Variants in MAPK3 observed in about 807,000 individuals in gnomAD.
MAPK3 encodes the protein MAPK 1.
In MAPK3, 30 loss-of-function variants were observed where a neutral mutation model predicts 41.8. The observed-to-expected ratio is 0.72, with a 90% CI of 0.54 to 0.97. MAPK3 has a LOEUF of 0.97. MAPK3 is among the 50% of genes least tolerant of loss of function. The pLI is 0.00. For missense variants in MAPK3, 413 were observed against 509.9 expected (o/e 0.81, Z 1.83); for synonymous variants, 222 against 213.4 (o/e 1.04, Z -0.35).
At chr16:30,116,056 C>CTT (rs542597048) in intron 8 of MAPK3, 72,554 of 120,052 alleles carry the variant, frequency 0.6, 24,252 homozygotes, top group East Asian at 0.9. Flanking sequence ...GTGCCCAGCC[C>CTT]TTTTTTTTTT....
At chr16:30,122,047 A>AG in intron 1 of MAPK3, 41 bp from the exon 2 acceptor site, 1 of 1,608,804 alleles carries the variant, frequency 6.2e-7, no homozygotes, top group Non-Finnish European at 8.5e-7. Flanking sequence ...GGCCTTACAA[A>AG]GGGGGAGTCC....
chr16:30,118,297 C>T, intron 3 of MAPK3, 52 bp downstream of exon 3: 1 of 1,587,144 alleles, frequency 6.3e-7, no homozygotes, highest in Non-Finnish European at 8.6e-7. Flanking sequence ...CTACTGGTCA[C>T]TGGAAGCCCC....
At position 30,118,144 on chromosome 16, in the gene MAPK3, G is replaced by A. The variant is rs747800465; in HGVS notation, c.563C>T (p.Ala188Val). 6.2e-7 allele frequency: 1 copy of A among 1,613,954 alleles called. No homozygotes were observed. Among genetic ancestry groups the A allele is most frequent in the Non-Finnish European group, 8.5e-7 (1 of 1,179,994 alleles). Residue 188 changes from alanine (A) to valine (V), a missense_variant, in exon 4 of 9, where the codon GCC (alanine) becomes GTC (valine). By Grantham distance (64) the Ala-to-Val change is moderately conservative (BLOSUM62 0). Coordinates refer to ENST00000263025, the MANE Select transcript of MAPK3 (RefSeq NM_002746.3). ...GTCATGCTCAGGATCGGCAATCCGG[G>A]CCAGGCCGAAATCACAAATCTGGAA... is the stretch of plus-strand genomic sequence containing the variant. ...CDLKICDFGL[A>V]RIADPEHDHT...
Position 30,114,259 on chromosome 16 carries a change from G to C in MAPK3, c.*482C>G, listed in dbSNP as rs751800677. 6.6e-6 allele frequency: 1 copy of C among 152,298 alleles called. No homozygotes were observed. The highest frequency in any genetic ancestry group is 6.5e-5 in the Admixed American group (1 of 15,276). 9.4% of individuals were successfully genotyped at this position (152,298 alleles called of 1,614,324 possible). ...GACAGCTTTGACAGGGAGGGGATTC[G>C]GCCCGGCCTGGCTCCTCAGGGATGC... On this transcript the variant is annotated 3_prime_UTR_variant, in exon 9 of 9. Coordinates refer to ENST00000263025, the MANE Select transcript of MAPK3 (RefSeq NM_002746.3).
chr16:30,121,202 G>A (rs777931330), intron 2 of MAPK3, among the ~76,000 whole-genome samples: 5 of 152,018 alleles, frequency 3.3e-5, no homozygotes, highest in Admixed American at 6.6e-5. Flanking sequence ...TCCAGCTCCT[G>A]GGTTCAAGCG....
At position 30,116,728 on chromosome 16, in the gene MAPK3, C is replaced by G. The variant is rs559025920; in HGVS notation, c.1080G>C (p.Leu360=). 6.2e-7 allele frequency: 1 copy of G among 1,613,942 alleles called. No homozygotes were observed. Among genetic ancestry groups the G allele is most frequent in the Non-Finnish European group, 8.5e-7 (1 of 1,180,002 alleles). ...CTGTCTCCTGGAAGATGAGCTCCTT[C>G]AGCCGCTCCTTAGGTAGGTCATCCA... ...MELDDLPKER[L]KELIFQETAR... Residue 360 remains leucine (L), a synonymous_variant, in exon 8 of 9, where the codon CTG becomes CTC. Coordinates refer to ENST00000263025, the MANE Select transcript of MAPK3 (RefSeq NM_002746.3).
chr16:30,122,772 C>A, intron 1 of MAPK3: 1 of 355,570 alleles, frequency 2.8e-6, no homozygotes, highest in Non-Finnish European at 5.1e-6. Flanking sequence ...CCCGCGGGCC[C>A]CCACATGCAC....
In MAPK3 at chr16:30,121,088, GC is replaced by G. The variant is rs1453088958; in HGVS notation, c.353+735del. On this transcript the variant is annotated intron_variant, in intron 2 of 8. Coordinates refer to ENST00000263025, the MANE Select transcript of MAPK3 (RefSeq NM_002746.3). ...ATGTATAGTACCTGACACACAGCAG[GC>G]CCTCAAGAAAGGCAGTTTTTTGTTT... 2.6e-5 allele frequency among the ~76,000 whole-genome samples: 4 copies of G among 151,770 alleles called. No homozygotes were observed. In the East Asian group the frequency reaches 7.8e-4, roughly 29 times the overall value.
chr16:30,117,362 A>G, intron 5 of MAPK3, 77 bp from the exon 6 acceptor site: 1 of 1,469,602 alleles, frequency 6.8e-7, no homozygotes, highest in Non-Finnish European at 9.3e-7. Flanking sequence ...GGCAAGAACA[A>G]GACCCCCCAG....
chr16:30,122,132 A>G, intron 1 of MAPK3, 126 bp from the exon 2 acceptor site: 2 of 862,614 alleles, frequency 2.3e-6, no homozygotes, highest in Non-Finnish European at 1.9e-6. Flanking sequence ...ATCATAAACA[A>G]TGCTGGTTCC....
Position 30,116,723 on chromosome 16 carries a change from T to G in MAPK3, c.1085A>C (p.Glu362Ala). ...LDDLPKERLK[E>A]LIFQETARFQ... is the part of the protein sequence containing the mutation. ...GCGTGCTGTCTCCTGGAAGATGAGC[T>G]CCTTCAGCCGCTCCTTAGGTAGGTC... The change falls in exon 8 of 9, where the codon GAG becomes GCG. Residue 362 changes from glutamate to alanine, a missense_variant. Coordinates refer to ENST00000263025, the MANE Select transcript of MAPK3 (RefSeq NM_002746.3). 1 of 1,613,820 alleles carries G rather than the reference T, an allele frequency of 6.2e-7. No homozygotes were observed. Among genetic ancestry groups the G allele is most frequent in the South Asian group, 1.1e-5 (1 of 91,076 alleles).
intron 2 of MAPK3, 78 bp downstream of exon 2, chr16:30,121,746 A>G (rs2073016830): frequency 6.9e-7 from 1 of 1,456,608 alleles, no homozygotes; most frequent in Admixed American, 2.0e-5. Context: ...GTAAGATGGA[A>G]ACAGAAACCA....
chr16:30,121,172 G>A (rs545404134), intron 2 of MAPK3, among the ~76,000 whole-genome samples: 2 of 152,066 alleles, frequency 1.3e-5, no homozygotes, highest in Non-Finnish European at 2.9e-5. Flanking sequence ...GCAGTGGCAC[G>A]ATCTTGGCTC....
chr16:30,123,011 G>GC, intron 1 of MAPK3, 29 bp downstream of exon 1: 1 of 1,457,380 alleles, frequency 6.9e-7, no homozygotes, highest in Non-Finnish European at 9.1e-7. Context: ...TCCCCTGAGG[G>GC]CACCCCCTCC....
Position 30,117,265 on chromosome 16 carries a change from G to A in MAPK3, c.796C>T (p.Gln266Ter). 6.2e-7 allele frequency: 1 copy of A among 1,614,058 alleles called. No homozygotes were observed. The highest frequency in any genetic ancestry group is 8.5e-7 in the Non-Finnish European group (1 of 1,179,988). The change falls in exon 6 of 9, where the codon CAG becomes TAG. Residue 266 changes from glutamine (Q) to a stop codon, truncating the protein, a stop_gained. Transcript: ENST00000263025. LOFTEE classifies it high-confidence loss of function. Reference sequence around the variant, plus strand: ...TTGATGATACAATTCAGGTCCTCCTGGGATGGGGAGCCCAGGATGCCTGTG... The same window carrying A: ...TTGATGATACAATTCAGGTCCTCCTAGGATGGGGAGCCCAGGATGCCTGTG... ...HILGILGSPS[Q>*]EDLNCIINMK... is the part of the protein sequence containing the mutation.
rs1180252391 is a variant in MAPK3, at chr16:30,118,380, T to A, written c.512A>T (p.Asn171Ile). The A allele has an allele frequency of 6.2e-7, 1 of 1,613,174 alleles. No homozygotes were observed. Among genetic ancestry groups the A allele is most frequent in the South Asian group, 1.1e-5 (1 of 91,032 alleles). The stretch of plus-strand genomic sequence containing the variant: ...GTCGCAGGTGGTGTTGATGAGCAGG[T>A]TGGAGGGCTTTAGATCTCGGTGGAG... ...NVLHRDLKPSNLLINTTCDLK... is the reference protein window; with the variant it reads ...NVLHRDLKPSILLINTTCDLK... Residue 171 changes from asparagine to isoleucine, a missense_variant, in exon 3 of 9, where the codon AAC becomes ATC. By Grantham distance (149) the Asn-to-Ile change is moderately radical (BLOSUM62 -3). This residue lies in a region of MAPK3 where 140 missense variants were observed against 206.0 expected (regional missense o/e 0.68). Coordinates refer to ENST00000263025, the MANE Select transcript of MAPK3 (RefSeq NM_002746.3).
At chr16:30,117,613 A>C in intron 5 of MAPK3, 57 bp downstream of exon 5, 1 of 1,397,102 alleles carries the variant, frequency 7.2e-7, no homozygotes, top group Non-Finnish European at 1.0e-6. Context: ...GACTCTCGAG[A>C]AATCTCACCT....
At chr16:30,122,885 G>GC (rs1267090214) in intron 1 of MAPK3, 155 bp downstream of exon 1, 1 of 630,410 alleles carries the variant, frequency 1.6e-6, no homozygotes, top group Non-Finnish European at 2.4e-6. Context: ...GCACTCAGGG[G>GC]CCCCCTCCCT....
At position 30,117,683 on chromosome 16, in the gene MAPK3, G is replaced by C. The variant is rs774097550; in HGVS notation, c.762C>G (p.Leu254=). Reference sequence around the variant, plus strand: ...GGCCTCCCTCACCCAGAATGTGGTTGAGCTGATCCAGGTAGTGCTTGCCAG... The same window carrying C: ...GGCCTCCCTCACCCAGAATGTGGTTCAGCTGATCCAGGTAGTGCTTGCCAG... ...IFPGKHYLDQ[L]NHILGILGSP... is the part of the protein sequence containing the mutation. The change falls in exon 5 of 9, where the codon CTC becomes CTG. Residue 254 remains leucine, a synonymous_variant. Transcript: ENST00000263025. The C allele has an allele frequency of 6.2e-6, 10 of 1,613,760 alleles. No homozygotes were observed. The highest frequency in any genetic ancestry group is 1.6e-4 in the Middle Eastern group (1 of 6,084).
Sources: allele counts gnomAD v4.1 joint callset (sites outside exome capture counted in the v4.1 genomes callset), GRCh38; gene constraint gnomAD v4.1.1; regional missense constraint gnomAD v4.1.1; transcripts MANE v1.5; gene names NCBI Gene and HGNC (gene_info 2026-07-23, HGNC 2026-07-21).